Variants in IQCK observed in about 807,000 individuals in gnomAD.
IQCK encodes the protein IQ motif containing K, also known as IQ domain-containing protein K.
A neutral mutation model predicts 28.1 loss-of-function variants in IQCK; 29 were observed. That is an observed-to-expected ratio of 1.03 (90% CI 0.77 to 1.41). IQCK has a LOEUF of 1.41. Among genes scored for constraint, IQCK ranks in the 40% most tolerant of loss-of-function variants. The pLI, the probability that IQCK is intolerant of heterozygous loss-of-function variation, is 0.00. For missense variants in IQCK, 359 were observed against 314.7 expected (o/e 1.14, Z -1.07); for synonymous variants, 113 against 115.1 (o/e 0.98, Z 0.12).
At chr16:19,853,296 A>G (rs150184421) in intron 9 of IQCK, among the ~76,000 whole-genome samples, 67 of 152,106 alleles carry the variant, frequency 4.4e-4, no homozygotes, top group Middle Eastern at 6.8e-3. Flanking sequence ...CAGCCCGTCA[A>G]CTCGAGATAA....
chr16:19,718,631 G>A lies in IQCK; in HGVS notation c.181+144G>A. 4 of 716,068 alleles carry A rather than the reference G, an allele frequency of 5.6e-6. No homozygotes were observed. In the East Asian group the frequency reaches 1.1e-4, roughly 19 times the overall value. The allele number at this position is 716,068 out of a possible 1,614,324, so 44.4% of individuals were successfully genotyped here. ...CGCGGGCCCGGGCTCCGCATTTTAC[G>A]CATGGGGAAACTGAGGCTCGGAGAG... On this transcript the variant is annotated intron_variant, in intron 1 of 7. Transcript: ENST00000564186.
intron 6 of IQCK, among the ~76,000 whole-genome samples, chr16:19,783,455 G>A (rs2055519494): frequency 6.6e-6 from 1 of 152,148 alleles, no homozygotes; most frequent in African/African-American, 2.4e-5. Context: ...CTTTGGGGAT[G>A]TCTGATTTAA....
intron 6 of IQCK, among the ~76,000 whole-genome samples, chr16:19,773,811 GAAGT>G (rs1226312853): frequency 6.6e-6 from 1 of 152,192 alleles, no homozygotes; most frequent in African/African-American, 2.4e-5. Context: ...AACATAATTA[GAAGT>G]AAGTAGTAGG....
At chr16:19,785,927 T>C (rs1468469476) in intron 6 of IQCK, among the ~76,000 whole-genome samples, 9 of 152,174 alleles carry the variant, frequency 5.9e-5, no homozygotes, top group African/African-American at 1.9e-4. Flanking sequence ...TTTTGTACAA[T>C]TCTTTGTTCA....
At chr16:19,748,054 A>G (rs917308531) in intron 4 of IQCK, among the ~76,000 whole-genome samples, 7 of 149,720 alleles carry the variant, frequency 4.7e-5, no homozygotes, top group African/African-American at 1.7e-4. Flanking sequence ...CTGGAGTTCA[A>G]CCATCTGGGC....
At chr16:19,829,863 C>A (rs1567196971), downstream of IQCK, among the ~76,000 whole-genome samples, 1 of 152,186 alleles carries the variant, frequency 6.6e-6, no homozygotes. Flanking sequence ...AATTTATTTA[C>A]TGGACAATTG....
chr16:19,821,792 T>C (rs1468809276), intron 7 of IQCK, among the ~76,000 whole-genome samples: 2 of 152,088 alleles, frequency 1.3e-5, no homozygotes, highest in Non-Finnish European at 2.9e-5. Flanking sequence ...TTCCATTAAG[T>C]GCTGGGCTCG....
chr16:19,730,258 T>G (rs1977790267), intron 1 of IQCK, among the ~76,000 whole-genome samples, 172 bp from the exon 2 acceptor site: 1 of 152,202 alleles, frequency 6.6e-6, no homozygotes. Flanking sequence ...ACCCGGCCTC[T>G]TGCTGATTTT....
intron 1 of IQCK, among the ~76,000 whole-genome samples, chr16:19,723,043 T>A (rs1412690056): frequency 6.6e-6 from 1 of 151,928 alleles, no homozygotes; most frequent in Non-Finnish European, 1.5e-5. Context: ...GGCCCCACAC[T>A]CTCATTTGCC....
At chr16:19,733,478 C>G (rs767771958) in intron 2 of IQCK, among the ~76,000 whole-genome samples, 2 of 152,074 alleles carry the variant, frequency 1.3e-5, no homozygotes, top group Non-Finnish European at 2.9e-5. Context: ...TGTTTACAAA[C>G]GTCTCATCCA....
At chr16:19,805,242 A>G (rs1192826575) in intron 7 of IQCK, among the ~76,000 whole-genome samples, 1 of 146,218 alleles carries the variant, frequency 6.8e-6, no homozygotes, top group Admixed American at 6.7e-5. Context: ...GGCACAGAGA[A>G]TGGCCAGCAG....
At chr16:19,778,007 C>T (rs1335672667) in intron 6 of IQCK, among the ~76,000 whole-genome samples, 11 of 152,170 alleles carry the variant, frequency 7.2e-5, no homozygotes, top group South Asian at 4.2e-4. Context: ...GAGCTGAGAT[C>T]GCGCCATTGC....
chr16:19,806,701 A>AC (rs1374476207), intron 7 of IQCK, among the ~76,000 whole-genome samples: 5 of 58,414 alleles, frequency 8.6e-5, no homozygotes, highest in South Asian at 8.9e-4. Context: ...ACCACTCCCC[A>AC]CCCCCCCACC....
chr16:19,839,335 A>AT (rs1173112577), intron 9 of IQCK, among the ~76,000 whole-genome samples: 1 of 151,490 alleles, frequency 6.6e-6, no homozygotes, highest in Non-Finnish European at 1.5e-5. Context: ...TAATTTTTGT[A>AT]TTTTTAATAG....
At position 19,738,006 on chromosome 16, in the gene IQCK, C is replaced by T. The variant is rs577409976; in HGVS notation, c.474+2556C>T. On this transcript the variant is annotated intron_variant, in intron 4 of 7. Transcript: ENST00000564186. ...CAGATTTCAGAGTATTTCATCTGTTCCTCATTTTATGGCAAATTAAGACAT... is the reference window on the plus strand; with the variant it reads ...CAGATTTCAGAGTATTTCATCTGTTTCTCATTTTATGGCAAATTAAGACAT... 2.6e-5 allele frequency among the ~76,000 whole-genome samples: 4 copies of T among 152,270 alleles called. No homozygotes were observed. The South Asian group carries it at 8.3e-4, about 32-fold the overall frequency.
chr16:19,758,140 C>T (rs1007434721), intron 4 of IQCK, among the ~76,000 whole-genome samples: 1 of 152,118 alleles, frequency 6.6e-6, no homozygotes, highest in African/African-American at 2.4e-5. Context: ...ACCCTGGGTG[C>T]CCTCGCTGTC....
At chr16:19,720,099 G>A (rs927287250) in intron 1 of IQCK, among the ~76,000 whole-genome samples, 5 of 152,150 alleles carry the variant, frequency 3.3e-5, no homozygotes, top group African/African-American at 9.6e-5. Context: ...GCGATGACTC[G>A]AAAGAAGTGG....
At chr16:19,805,501 C>A (rs1463254405) in intron 7 of IQCK, among the ~76,000 whole-genome samples, 1 of 152,164 alleles carries the variant, frequency 6.6e-6, no homozygotes, top group Non-Finnish European at 1.5e-5. Flanking sequence ...GGGAAGGAGA[C>A]AAAGTCCCTG....
chr16:19,847,796 T>C (rs953184881), intron 9 of IQCK, among the ~76,000 whole-genome samples: 2 of 152,210 alleles, frequency 1.3e-5, no homozygotes, highest in African/African-American at 4.8e-5. Flanking sequence ...GCTGCTACTT[T>C]GTTGATTTTA....
Sources: allele counts gnomAD v4.1 joint callset (sites outside exome capture counted in the v4.1 genomes callset), GRCh38; gene constraint gnomAD v4.1.1; transcripts MANE v1.5; gene names NCBI Gene and HGNC (gene_info 2026-07-23, HGNC 2026-07-21).